WWOX: variants seen among roughly 807,000 people sequenced by gnomAD.
The protein encoded by WWOX is WW domain containing oxidoreductase.
In WWOX, 69 loss-of-function variants were observed where a neutral mutation model predicts 46.2. The observed-to-expected ratio is 1.49, with a 90% CI of 1.23 to 1.82. The LOEUF is 1.82. Ranked by LOEUF, WWOX falls within the 40% of genes most tolerant of loss-of-function variation. WWOX has a pLI of 0.00. For missense variants in WWOX, 919 were observed against 542.6 expected, an observed-to-expected ratio of 1.69 and a Z score of -6.89; for synonymous variants, 359 against 202.6, an observed-to-expected ratio of 1.77 and a Z score of -6.56.
chr16:78,177,543 G>C (rs1378212718), intron 5 of WWOX, among the ~76,000 whole-genome samples: 2 of 152,204 alleles, frequency 1.3e-5, no homozygotes, highest in Non-Finnish European at 1.5e-5. Flanking sequence ...GCTGGAGGAA[G>C]AGCATCCACA....
chr16:78,523,286 A>G (rs543981546), intron 8 of WWOX, among the ~76,000 whole-genome samples: 6 of 152,338 alleles, frequency 3.9e-5, no homozygotes, highest in East Asian at 1.9e-4. Context: ...ATGTGCCAGT[A>G]TATATAAATT....
intron 8 of WWOX, among the ~76,000 whole-genome samples, chr16:78,610,767 G>C (rs1312138550): frequency 6.6e-6 from 1 of 152,132 alleles, no homozygotes; most frequent in African/African-American, 2.4e-5. Context: ...GCATGGCTCT[G>C]ATATTATAAA....
rs944473697 is a variant in WWOX at position 78,394,723 on chromosome 16, G to C, written c.605+7775G>C. On this transcript the variant is annotated intron_variant, in intron 6 of 8. Transcript: ENST00000566780. ...CCGTGGTAGCCTGAAAGCAGCCATA[G>C]ATAGTATGGAAATGGATGATCATGG... 1.1e-4 allele frequency among the ~76,000 whole-genome samples: 16 copies of C among 152,300 alleles called. 1 individual carries two copies. The highest frequency in any genetic ancestry group is 3.9e-4 in the African/African-American group (16 of 41,552).
chr16:78,136,044 G>C (rs1567591727), intron 4 of WWOX, among the ~76,000 whole-genome samples: 1 of 152,092 alleles, frequency 6.6e-6, no homozygotes, highest in Non-Finnish European at 1.5e-5. Flanking sequence ...TTTTCTTATG[G>C]CTTTTTCATG....
At chr16:78,746,989 T>G (rs2049362799) in intron 8 of WWOX, among the ~76,000 whole-genome samples, 1 of 152,124 alleles carries the variant, frequency 6.6e-6, no homozygotes, top group Admixed American at 6.6e-5. Context: ...AGGGTCTACA[T>G]GTCCTGAAGA....
chr16:78,469,879 G>A (rs1416674861), intron 8 of WWOX, among the ~76,000 whole-genome samples: 4 of 152,244 alleles, frequency 2.6e-5, no homozygotes, highest in South Asian at 2.1e-4. Context: ...ACCGATATCT[G>A]TAACCTGGGA....
At chr16:78,678,665 C>T (rs1222403811) in intron 8 of WWOX, among the ~76,000 whole-genome samples, 2 of 151,826 alleles carry the variant, frequency 1.3e-5, no homozygotes, top group South Asian at 2.1e-4. Context: ...GTAGGGAAGT[C>T]TTGATGAGTA....
intron 8 of WWOX, among the ~76,000 whole-genome samples, chr16:79,144,429 G>A (rs1407364967): frequency 6.6e-6 from 1 of 152,216 alleles, no homozygotes; most frequent in Non-Finnish European, 1.5e-5. Flanking sequence ...TCCTTGTACA[G>A]AGAGAACTGG....
At chr16:78,734,342 G>C (rs1277076293) in intron 8 of WWOX, among the ~76,000 whole-genome samples, 1 of 152,102 alleles carries the variant, frequency 6.6e-6, no homozygotes, top group Admixed American at 6.5e-5. Context: ...TAGGAGTCCT[G>C]AATTTATCAT....
chr16:79,030,835 C>A (rs1284676265), intron 8 of WWOX, among the ~76,000 whole-genome samples: 1 of 152,118 alleles, frequency 6.6e-6, no homozygotes, highest in Non-Finnish European at 1.5e-5. Context: ...GTAATTCTAG[C>A]ACTTTGGGAG....
intron 8 of WWOX, among the ~76,000 whole-genome samples, chr16:78,945,799 C>G (rs1312742681): frequency 6.6e-6 from 1 of 152,064 alleles, no homozygotes; most frequent in Non-Finnish European, 1.5e-5. Flanking sequence ...TCTTGGTAGA[C>G]AGAAGCTGTC....
intron 8 of WWOX, among the ~76,000 whole-genome samples, chr16:78,718,455 G>C (rs546579270): frequency 6.6e-6 from 1 of 152,192 alleles, no homozygotes; most frequent in Non-Finnish European, 1.5e-5. Flanking sequence ...CTTTATAACT[G>C]AATAGGAGGG....
intron 6 of WWOX, among the ~76,000 whole-genome samples, chr16:78,393,927 C>A (rs2082232092): frequency 6.6e-6 from 1 of 151,914 alleles, no homozygotes; most frequent in Non-Finnish European, 1.5e-5. Flanking sequence ...AAATCTTTAA[C>A]AAGTTTATTT....
At chr16:78,564,215 G>A (rs2044508934) in intron 8 of WWOX, among the ~76,000 whole-genome samples, 1 of 152,238 alleles carries the variant, frequency 6.6e-6, no homozygotes, top group South Asian at 2.1e-4. Context: ...ACTAATATTT[G>A]TGATGGTTCA....
chr16:78,421,614 C>G (rs1404825367), intron 6 of WWOX, among the ~76,000 whole-genome samples: 1 of 152,260 alleles, frequency 6.6e-6, no homozygotes, highest in African/African-American at 2.4e-5. Flanking sequence ...AGATTCCTAC[C>G]ATTCAACCCA....
intron 8 of WWOX, among the ~76,000 whole-genome samples, chr16:78,585,445 T>C (rs989198555): frequency 1.4e-4 from 22 of 152,126 alleles, no homozygotes; most frequent in Non-Finnish European, 3.2e-4. Flanking sequence ...TCCCAAAAGC[T>C]GGATTCACTG....
intron 8 of WWOX, among the ~76,000 whole-genome samples, chr16:78,971,273 G>A (rs2046463224): frequency 6.6e-6 from 1 of 151,650 alleles, no homozygotes; most frequent in Non-Finnish European, 1.5e-5. Flanking sequence ...AGACCAGCCT[G>A]GCCAACATGG....
chr16:78,811,481 C>T (rs913886616), intron 8 of WWOX, among the ~76,000 whole-genome samples: 4 of 151,586 alleles, frequency 2.6e-5, no homozygotes, highest in East Asian at 1.9e-4. Context: ...CCTGTCCTTT[C>T]TCTCTCCCTC....
chr16:78,443,855 C>G (rs1467214815), intron 8 of WWOX, among the ~76,000 whole-genome samples: 1 of 152,028 alleles, frequency 6.6e-6, no homozygotes, highest in East Asian at 1.9e-4. Flanking sequence ...TTCCTTTTCT[C>G]CAATTTCATA....
Sources: gnomAD v4.1 joint callset for allele counts (sites outside exome capture counted in the v4.1 genomes callset) on GRCh38, gnomAD v4.1.1 for gene constraint, MANE v1.5 for transcripts, NCBI Gene and HGNC (gene_info 2026-07-23, HGNC 2026-07-21) for gene names.